Variants in MYO1D observed in about 807,000 individuals in gnomAD.
MYO1D encodes unconventional myosin-Id.
A neutral mutation model predicts 122.0 loss-of-function variants in MYO1D; 83 were observed. That is an observed-to-expected ratio of 0.68 (90% CI 0.57 to 0.82). The LOEUF is 0.82. MYO1D is among the 40% of genes least tolerant of loss of function. MYO1D has a pLI of 0.00. For missense variants in MYO1D, 1,157 were observed against 1,269.5 expected (o/e 0.91, Z 1.35); for synonymous variants, 464 against 446.9 (o/e 1.04, Z -0.48).
chr17:32,539,141 A>G (rs929919572), intron 21 of MYO1D, among the ~76,000 whole-genome samples: 2 of 152,148 alleles, frequency 1.3e-5, no homozygotes, highest in Non-Finnish European at 2.9e-5. Flanking sequence ...GATGATGTTC[A>G]AATATGACTT....
At chr17:32,842,952 G>A (rs981491869) in intron 1 of MYO1D, among the ~76,000 whole-genome samples, 3 of 138,252 alleles carry the variant, frequency 2.2e-5, no homozygotes, top group Non-Finnish European at 4.5e-5. Context: ...GCAGTGGCAC[G>A]ATCTCAGCTC....
intron 16 of MYO1D, among the ~76,000 whole-genome samples, chr17:32,700,825 T>C (rs2089238348): frequency 6.6e-6 from 1 of 151,210 alleles, no homozygotes; most frequent in Non-Finnish European, 1.5e-5. Context: ...GCGCCTGTAA[T>C]ACCAGCTACT....
At chr17:32,649,567 C>CTTTTTTTT (rs35514290) in intron 19 of MYO1D, among the ~76,000 whole-genome samples, 114 of 94,070 alleles carry the variant, frequency 1.2e-3, no homozygotes, top group Non-Finnish European at 1.5e-3. Context: ...TTCTTTCTTT[C>CTTTTTTTT]TTTTTTTTTT....
At chr17:32,846,722 G>A (rs547979530) in intron 1 of MYO1D, among the ~76,000 whole-genome samples, 1 of 152,204 alleles carries the variant, frequency 6.6e-6, no homozygotes, top group African/African-American at 2.4e-5. Context: ...ACTGATGCCT[G>A]TAATCCCAGC....
At chr17:32,871,361 A>G (rs1359370222) in intron 1 of MYO1D, among the ~76,000 whole-genome samples, 1 of 152,196 alleles carries the variant, frequency 6.6e-6, no homozygotes, top group Non-Finnish European at 1.5e-5. Context: ...ACAAAGTCTA[A>G]AATGTCTAAA....
At position 32,760,571 on chromosome 17, in the gene MYO1D, C is replaced by G. The variant is rs530221767; in HGVS notation, c.1092G>C (p.Glu364Asp). Residue 364 changes from glutamate to aspartate, a missense_variant, in exon 9 of 22, where the codon GAG (glutamate) becomes GAC (aspartate). Physicochemically the swap from Glu to Asp is conservative, Grantham distance 45. Transcript: ENST00000318217. ...WIVTRINDII[E>D]VKNYDTTIHG... is the part of the protein sequence containing the mutation. The stretch of plus-strand genomic sequence containing the variant: ...GGATTGTGGTGTCATAGTTCTTGAC[C>G]TCAATAATATCATTGATGCGAGTAA... 1 of 1,613,570 alleles carries G rather than the reference C, an allele frequency of 6.2e-7. No individual in the cohort carries two copies. Among genetic ancestry groups the G allele is most frequent in the Non-Finnish European group, 8.5e-7 (1 of 1,179,686 alleles).
intron 1 of MYO1D, among the ~76,000 whole-genome samples, chr17:32,791,362 T>C (rs1397572610): frequency 4.7e-5 from 3 of 63,864 alleles, no homozygotes; most frequent in South Asian, 4.9e-4. Flanking sequence ...AGACTCCGTC[T>C]CAAAAAAAAA....
intron 13 of MYO1D, 48 bp from the exon 14 acceptor site, chr17:32,738,433 G>A: frequency 3.3e-6 from 5 of 1,496,078 alleles, no homozygotes; most frequent in East Asian, 2.4e-5. Flanking sequence ...CAAATAAGCT[G>A]GATAAAAACT....
intron 21 of MYO1D, among the ~76,000 whole-genome samples, chr17:32,548,348 A>G (rs1166555033): frequency 1.3e-5 from 2 of 151,624 alleles, no homozygotes; most frequent in Non-Finnish European, 2.9e-5. Flanking sequence ...GAATGGCTTG[A>G]TCCGAGGAGA....
At chr17:32,858,113 G>C (rs995267949) in intron 1 of MYO1D, among the ~76,000 whole-genome samples, 1 of 152,076 alleles carries the variant, frequency 6.6e-6, no homozygotes, top group African/African-American at 2.4e-5. Flanking sequence ...GACTTTAGAG[G>C]CCACATAGAC....
chr17:32,496,537 TG>T (rs1363370100), intron 21 of MYO1D, among the ~76,000 whole-genome samples: 1 of 152,222 alleles, frequency 6.6e-6, no homozygotes, highest in African/African-American at 2.4e-5. Context: ...AGGGCCGCTC[TG>T]CAGGGCTCAT....
chr17:32,796,656 T>C (rs192931066), intron 1 of MYO1D, among the ~76,000 whole-genome samples: 1 of 152,310 alleles, frequency 6.6e-6, no homozygotes, highest in East Asian at 1.9e-4. Context: ...TCAAGCAATC[T>C]GCTGGCCTCA....
intron 21 of MYO1D, among the ~76,000 whole-genome samples, chr17:32,587,228 C>T (rs2087395822): frequency 6.6e-6 from 1 of 152,090 alleles, no homozygotes; most frequent in African/African-American, 2.4e-5. Flanking sequence ...AGTAACTCGC[C>T]AGGCCAGGGG....
chr17:32,766,552 T>G (rs767231139), intron 7 of MYO1D, among the ~76,000 whole-genome samples: 2 of 151,968 alleles, frequency 1.3e-5, no homozygotes, highest in Admixed American at 6.6e-5. Flanking sequence ...TCCCAGAACT[T>G]TGGGAGGCTG....
At chr17:32,517,330 C>T (rs1438412144) in intron 21 of MYO1D, among the ~76,000 whole-genome samples, 1 of 152,206 alleles carries the variant, frequency 6.6e-6, no homozygotes, top group Non-Finnish European at 1.5e-5. Flanking sequence ...AGTACTGAAA[C>T]AATCTGAAGT....
At chr17:32,751,750 C>T (rs1370699247) in intron 11 of MYO1D, among the ~76,000 whole-genome samples, 1 of 151,912 alleles carries the variant, frequency 6.6e-6, no homozygotes, top group Non-Finnish European at 1.5e-5. Context: ...AGGAGAACTA[C>T]AAAACACTGA....
chr17:32,637,221 T>C (rs979884336), intron 20 of MYO1D, among the ~76,000 whole-genome samples: 2 of 152,174 alleles, frequency 1.3e-5, no homozygotes, highest in African/African-American at 4.8e-5. Context: ...CCACAATTAA[T>C]TTTTTTGGTT....
intron 7 of MYO1D, among the ~76,000 whole-genome samples, chr17:32,766,778 C>T (rs538609691): frequency 7.9e-5 from 12 of 151,142 alleles, no homozygotes; most frequent in East Asian, 7.7e-4. Flanking sequence ...GGTGACAGAG[C>T]GAGATTCCAT....
intron 21 of MYO1D, among the ~76,000 whole-genome samples, chr17:32,522,481 G>C (rs1302831098): frequency 6.6e-6 from 1 of 152,218 alleles, no homozygotes; most frequent in East Asian, 1.9e-4. Context: ...ATAGTGGCTG[G>C]AAGGGATGCA....
Sources: allele counts gnomAD v4.1 joint callset (sites outside exome capture counted in the v4.1 genomes callset), GRCh38; gene constraint gnomAD v4.1.1; transcripts MANE v1.5; gene names NCBI Gene and HGNC (gene_info 2026-07-23, HGNC 2026-07-21).